Variants in DOCK1 observed in about 807,000 individuals in gnomAD.
DOCK1 encodes dedicator of cytokinesis 1, also known as dedicator of cytokinesis protein 1.
A neutral mutation model predicts 262.7 loss-of-function variants in DOCK1; 138 were observed. The observed-to-expected ratio is 0.53, with a 90% CI of 0.46 to 0.61. DOCK1 has a LOEUF of 0.61. DOCK1 is among the 20% of genes least tolerant of loss of function. The probability of loss-of-function intolerance (pLI) is 0.00; values close to 1 mark genes in which losing one functional copy is unlikely to be tolerated. For synonymous variants in DOCK1, 866 were observed against 867.4 expected (o/e 1.00, Z 0.03); for missense variants, 1,908 against 2,370.7 (o/e 0.80, Z 4.05).
At chr10:127,101,895 T>G (rs149355693) in intron 23 of DOCK1, among the ~76,000 whole-genome samples, 18 of 152,370 alleles carry the variant, frequency 1.2e-4, no homozygotes, top group Non-Finnish European at 2.5e-4. Flanking sequence ...GCAATCAGCC[T>G]GTGTGAACGC....
rs1434205896 is a variant in DOCK1, at chr10:127,191,572, T to A, written c.2848-56436T>A. Among the ~76,000 whole-genome samples the A allele has an allele frequency of 5.9e-5, 9 of 152,204 alleles. No individual in the cohort carries two copies. In the South Asian group the frequency reaches 1.9e-3, roughly 32 times the overall value. ...CTAAAATGTAACCACTAAGTACACA[T>A]AGAAAAGATTTTTAAAAACATGAAG... On this transcript the variant is annotated intron_variant, in intron 27 of 51. Transcript: ENST00000623213.
rs571060452 is a variant in DOCK1 at position 127,146,204 on chromosome 10, G to T, written c.2847+18440G>T. 484 of 298,460 alleles carry T rather than the reference G, an allele frequency of 1.6e-3. 6 individuals carry two copies. The highest frequency in any genetic ancestry group is 0.013 in the South Asian group (465 of 34,804). 18.5% of individuals were successfully genotyped at this position (298,460 alleles called of 1,614,324 possible). ...ATGCCTCCTTAACTTTGACCTTGGG[G>T]TATAACCAAAGGCTGGGACTATCAG... is the stretch of plus-strand genomic sequence containing the variant. On this transcript the variant is annotated intron_variant, in intron 27 of 51. Transcript: ENST00000623213.
At chr10:126,969,917 C>T (rs960438819) in intron 1 of DOCK1, among the ~76,000 whole-genome samples, 16 of 152,118 alleles carry the variant, frequency 1.1e-4, no homozygotes, top group African/African-American at 3.6e-4. Context: ...CTTTGATCCG[C>T]GATTTTGAAG....
In DOCK1 at chr10:127,376,974, CAG is replaced by C. The variant is rs201512482; in HGVS notation, c.3675+2761_3675+2762del. ...TTCCTCTTTAATTCAGAGCCAGACT[CAG>C]TGCCCACGTACTTTTACTGTGGTCA... On this transcript the variant is annotated intron_variant, in intron 35 of 51. Coordinates refer to ENST00000623213, the MANE Select transcript of DOCK1 (RefSeq NM_001290223.2). Among the ~76,000 whole-genome samples, 36 of 152,322 alleles carry C rather than the reference CAG, an allele frequency of 2.4e-4. No individual in the cohort carries two copies. The East Asian group carries it at 5.2e-3, about 22-fold the overall frequency.
intron 51 of DOCK1, among the ~76,000 whole-genome samples, chr10:127,451,008 T>C (rs1169782883): frequency 6.6e-6 from 1 of 152,168 alleles, no homozygotes; most frequent in Admixed American, 6.5e-5. Flanking sequence ...TCTAAGGACT[T>C]ATTTATCCCT....
At chr10:127,142,020 C>T (rs938370764) in intron 27 of DOCK1, among the ~76,000 whole-genome samples, 4 of 152,208 alleles carry the variant, frequency 2.6e-5, no homozygotes, top group Admixed American at 2.0e-4. Flanking sequence ...GTGGGGCCAG[C>T]AGGGTCTGCT....
intron 27 of DOCK1, among the ~76,000 whole-genome samples, chr10:127,160,403 G>A (rs1189321843): frequency 6.6e-6 from 1 of 152,214 alleles, no homozygotes; most frequent in Non-Finnish European, 1.5e-5. Flanking sequence ...TGGGGCATTT[G>A]TGTGTGCCTG....
At chr10:127,263,040 A>G (rs987131441) in intron 29 of DOCK1, among the ~76,000 whole-genome samples, 4 of 152,184 alleles carry the variant, frequency 2.6e-5, no homozygotes, top group South Asian at 2.1e-4. Context: ...TAGGTCTCCT[A>G]TTTCCCAAGA....
At chr10:127,311,049 G>A (rs2062045918) in intron 29 of DOCK1, among the ~76,000 whole-genome samples, 1 of 152,180 alleles carries the variant, frequency 6.6e-6, no homozygotes, top group African/African-American at 2.4e-5. Flanking sequence ...TTGGGCATAA[G>A]AATAGGCCAA....
chr10:127,433,252 A>G (rs1157689931), intron 47 of DOCK1, 31 bp from the exon 48 acceptor site: 21 of 1,609,646 alleles, frequency 1.3e-5, no homozygotes, highest in Non-Finnish European at 1.8e-5. Context: ...GGCATCAAAC[A>G]AGTCTCCTTC....
intron 33 of DOCK1, among the ~76,000 whole-genome samples, chr10:127,362,909 C>CCACACACACA (rs1218062230): frequency 1.1e-5 from 1 of 90,642 alleles, no homozygotes; most frequent in African/African-American, 5.5e-5. Flanking sequence ...ATGTACATCT[C>CCACACACACA]CACACACACA....
chr10:126,985,463 G>A (rs2039313180), intron 4 of DOCK1, among the ~76,000 whole-genome samples: 2 of 152,106 alleles, frequency 1.3e-5, no homozygotes, highest in East Asian at 3.9e-4. Flanking sequence ...TTAATCCCAG[G>A]GATCCACTGG....
At chr10:127,188,370 A>G (rs2056465341) in intron 27 of DOCK1, among the ~76,000 whole-genome samples, 1 of 152,120 alleles carries the variant, frequency 6.6e-6, no homozygotes, top group South Asian at 2.1e-4. Flanking sequence ...GGAATAGGGC[A>G]TATTCACACT....
In DOCK1 at chr10:127,175,184, T is replaced by G. The variant is rs2054970135; in HGVS notation, c.2847+47420T>G. The G allele has an allele frequency of 6.4e-7, 1 of 1,571,406 alleles. No homozygotes were observed. The highest frequency in any genetic ancestry group is 8.7e-7 in the Non-Finnish European group (1 of 1,152,070). On this transcript the variant is annotated intron_variant, in intron 27 of 51. Coordinates refer to ENST00000623213, the MANE Select transcript of DOCK1 (RefSeq NM_001290223.2). This position sits in a 1 kb window ranked among gnomAD's most constrained non-coding sequence, Gnocchi z 6.3. The stretch of plus-strand genomic sequence containing the variant: ...CTCTGTGGTGATCAGCCTGCATAGC[T>G]TCCTAAGACATGGGTGAACATACAT...
rs369798687 is a variant in DOCK1 at position 127,106,332 on chromosome 10, A to G, written c.2516+31A>G. ...TATGCAGCCCAGGCGAATGCTTGTC[A>G]CGTGCCGTGTGTGACCTCCTTCTCA... is the stretch of plus-strand genomic sequence containing the variant. On this transcript the variant is annotated intron_variant, in intron 24 of 51. Transcript: ENST00000623213. 2,978 of 1,574,602 alleles carry G rather than the reference A, an allele frequency of 1.9e-3. 24 individuals are homozygous for G. Among genetic ancestry groups the G allele is most frequent in the South Asian group, 0.016 (1,390 of 85,622 alleles).
chr10:127,109,441 GT>G (rs1320839495), intron 24 of DOCK1, among the ~76,000 whole-genome samples: 2 of 152,160 alleles, frequency 1.3e-5, no homozygotes, highest in Non-Finnish European at 2.9e-5. Flanking sequence ...CAATTCAGTG[GT>G]TTTTAGTATA....
intron 27 of DOCK1, among the ~76,000 whole-genome samples, chr10:127,203,497 A>C (rs1423791565): frequency 6.6e-6 from 1 of 152,202 alleles, no homozygotes; most frequent in Non-Finnish European, 1.5e-5. Context: ...ATGTGATAAC[A>C]AGCTATGAAA....
intron 25 of DOCK1, among the ~76,000 whole-genome samples, chr10:127,116,203 G>T (rs2049169796): frequency 6.6e-6 from 1 of 152,108 alleles, no homozygotes; most frequent in East Asian, 1.9e-4. Flanking sequence ...CTCTCCTGGG[G>T]CTCCTCCCTT....
At chr10:127,295,171 G>T (rs1270303103) in intron 29 of DOCK1, among the ~76,000 whole-genome samples, 1 of 152,160 alleles carries the variant, frequency 6.6e-6, no homozygotes, top group Admixed American at 6.5e-5. Flanking sequence ...TTGGCCCATA[G>T]TTCTGCAGGC....
Sources: allele counts gnomAD v4.1 joint callset (sites outside exome capture counted in the v4.1 genomes callset), GRCh38; gene constraint gnomAD v4.1.1; non-coding constraint Gnocchi (gnomAD v3.1); transcripts MANE v1.5; gene names NCBI Gene and HGNC (gene_info 2026-07-23, HGNC 2026-07-21).